TNFRSF19: variants seen among roughly 807,000 people sequenced by gnomAD.
TNFRSF19 encodes the protein TNF receptor superfamily member 19, also known as tumor necrosis factor receptor superfamily member 19.
A neutral mutation model predicts 46.4 loss-of-function variants in TNFRSF19; 27 were observed. The observed-to-expected ratio is 0.58, with a 90% CI of 0.43 to 0.80. The LOEUF (loss-of-function observed/expected upper bound fraction) is 0.80, where lower values mean the gene tolerates loss of function less well. Among genes scored for constraint, TNFRSF19 ranks in the 30% least tolerant of loss-of-function variants. TNFRSF19 has a pLI of 0.00. For synonymous variants in TNFRSF19, 204 were observed against 205.0 expected, an observed-to-expected ratio of 1.00 and a Z score of 0.04; for missense variants, 511 against 530.8, an observed-to-expected ratio of 0.96 and a Z score of 0.37.
chr13:23,585,596 T>C (rs1878768072), intron 1 of TNFRSF19: 1 of 152,230 alleles, frequency 6.6e-6, no homozygotes, highest in African/African-American at 2.4e-5. Context: ...CTTAGAACTC[T>C]GAGAAGTAAA....
chr13:23,623,608 CTTG>C (rs1224725083), intron 4 of TNFRSF19, among the ~76,000 whole-genome samples: 1 of 152,182 alleles, frequency 6.6e-6, no homozygotes, highest in African/African-American at 2.4e-5. Flanking sequence ...CTTGCCAACA[CTTG>C]TTATTATCTG....
chr13:23,604,683 C>G (rs1880396981), intron 3 of TNFRSF19, among the ~76,000 whole-genome samples: 1 of 152,006 alleles, frequency 6.6e-6, no homozygotes. Context: ...AATAGAGAGC[C>G]CAGGAATAGA....
chr13:23,578,762 G>A (rs1878144012), intron 1 of TNFRSF19, among the ~76,000 whole-genome samples: 1 of 152,238 alleles, frequency 6.6e-6, no homozygotes, highest in South Asian at 2.1e-4. Context: ...GTGAGTCCCC[G>A]GCCCTGGCCC....
chr13:23,583,757 A>G (rs1430490430), intron 1 of TNFRSF19, among the ~76,000 whole-genome samples: 1 of 152,216 alleles, frequency 6.6e-6, no homozygotes, highest in Admixed American at 6.5e-5. Context: ...TTCCTTCTAA[A>G]ATAAAAATTT....
At chr13:23,597,817 T>A (rs1409314084) in intron 3 of TNFRSF19, among the ~76,000 whole-genome samples, 1 of 152,120 alleles carries the variant, frequency 6.6e-6, no homozygotes, top group Non-Finnish European at 1.5e-5. Flanking sequence ...CAGGCCAATA[T>A]CCCTGATGAA....
At chr13:23,575,061 C>T (rs1267933853) in intron 1 of TNFRSF19, among the ~76,000 whole-genome samples, 1 of 152,210 alleles carries the variant, frequency 6.6e-6, no homozygotes, top group Non-Finnish European at 1.5e-5. Flanking sequence ...GTTAAATGCC[C>T]CCCATTCTTT....
chr13:23,572,321 G>A (rs955345777), intron 1 of TNFRSF19, among the ~76,000 whole-genome samples: 2 of 151,438 alleles, frequency 1.3e-5, no homozygotes, highest in Admixed American at 6.6e-5. Context: ...CTGCAATATC[G>A]GTTTAGTTTG....
intron 1 of TNFRSF19, among the ~76,000 whole-genome samples, chr13:23,582,272 G>A (rs986092292): frequency 2.6e-5 from 4 of 151,056 alleles, no homozygotes; most frequent in Non-Finnish European, 5.9e-5. Context: ...GTGGTGGCGG[G>A]CGCCTGTAGT....
chr13:23,588,010 T>C (rs12857973), intron 1 of TNFRSF19, among the ~76,000 whole-genome samples: 38,003 of 152,110 alleles, frequency 0.25, 5,338 homozygotes, highest in African/African-American at 0.38. Flanking sequence ...CACATCCTAA[T>C]GGATCATTTG....
chr13:23,667,066 CTT>C (rs770299725), intron 7 of TNFRSF19, among the ~76,000 whole-genome samples: 10 of 145,708 alleles, frequency 6.9e-5, no homozygotes, highest in East Asian at 2.0e-4. Flanking sequence ...ATGTGTGTGT[CTT>C]TGTGTGTGTG....
chr13:23,629,640 T>A (rs576339684), intron 5 of TNFRSF19, among the ~76,000 whole-genome samples: 4 of 152,214 alleles, frequency 2.6e-5, no homozygotes, highest in Non-Finnish European at 4.4e-5. Flanking sequence ...GTACTGATGG[T>A]GTAACCTTGG....
chr13:23,662,444 T>A (rs1221891445), intron 7 of TNFRSF19, among the ~76,000 whole-genome samples: 1 of 152,238 alleles, frequency 6.6e-6, no homozygotes, highest in Non-Finnish European at 1.5e-5. Flanking sequence ...TAGCGTAGTT[T>A]GAAATCAGCT....
intron 5 of TNFRSF19, among the ~76,000 whole-genome samples, chr13:23,632,098 C>A (rs1371132458): frequency 1.3e-5 from 2 of 152,136 alleles, no homozygotes; most frequent in African/African-American, 4.8e-5. Context: ...CTTCCTGGGG[C>A]CTCTGCATGA....
At chr13:23,657,555 A>T (rs1884060846) in intron 5 of TNFRSF19, among the ~76,000 whole-genome samples, 1 of 152,256 alleles carries the variant, frequency 6.6e-6, no homozygotes, top group African/African-American at 2.4e-5. Context: ...ACCGGATTTT[A>T]AAATTTTAAT....
intron 5 of TNFRSF19, among the ~76,000 whole-genome samples, chr13:23,645,210 C>G (rs1404897104): frequency 2.0e-5 from 3 of 152,078 alleles, no homozygotes; most frequent in African/African-American, 7.2e-5. Context: ...ATGTAGCCTA[C>G]CTTTATTTTT....
At chr13:23,616,091 C>G in intron 4 of TNFRSF19, 46 bp downstream of exon 4, 1 of 1,539,860 alleles carries the variant, frequency 6.5e-7, no homozygotes, top group Non-Finnish European at 8.8e-7. Context: ...AATTAAGTAA[C>G]TTTTAAAAAG....
chr13:23,625,912 T>A (rs1881966930), intron 4 of TNFRSF19, among the ~76,000 whole-genome samples: 1 of 152,232 alleles, frequency 6.6e-6, no homozygotes, highest in African/African-American at 2.4e-5. Flanking sequence ...CATTTTCATC[T>A]TAAATTTTTT....
At chr13:23,639,584 A>G (rs932289802) in intron 5 of TNFRSF19, among the ~76,000 whole-genome samples, 1 of 152,132 alleles carries the variant, frequency 6.6e-6, no homozygotes, top group African/African-American at 2.4e-5. Flanking sequence ...GGAGCAGACT[A>G]TGAAAGATTA....
At chr13:23,580,737 C>A (rs567405534) in intron 1 of TNFRSF19, among the ~76,000 whole-genome samples, 2 of 152,254 alleles carry the variant, frequency 1.3e-5, no homozygotes, top group Non-Finnish European at 2.9e-5. Context: ...AAGAAAGCTT[C>A]TTTGCATAAC....
Sources: allele counts gnomAD v4.1 joint callset (sites outside exome capture counted in the v4.1 genomes callset), GRCh38; gene constraint gnomAD v4.1.1; transcripts MANE v1.5; gene names NCBI Gene and HGNC (gene_info 2026-07-23, HGNC 2026-07-21).